Variants in PCDH11X observed in about 807,000 individuals in gnomAD.
PCDH11X encodes protocadherin 11 X-linked, also known as protocadherin-11 X-linked.
A neutral mutation model predicts 53.3 loss-of-function variants in PCDH11X; 18 were observed. The observed-to-expected ratio is 0.34, with a 90% CI of 0.23 to 0.50. The LOEUF (loss-of-function observed/expected upper bound fraction) is 0.50, where lower values mean the gene tolerates loss of function less well. Ranked by LOEUF, PCDH11X falls within the 20% of genes least tolerant of loss-of-function variation. The probability of loss-of-function intolerance (pLI) is 0.98; values close to 1 mark genes in which losing one functional copy is unlikely to be tolerated. For synonymous variants in PCDH11X, 279 were observed against 393.3 expected (o/e 0.71, Z 3.44); for missense variants, 570 against 1,032.4 (o/e 0.55, Z 6.14).
chrX:92,083,584 T>C (rs2063898106), intron 6 of PCDH11X, among the ~76,000 whole-genome samples: 2 of 111,451 alleles, frequency 1.8e-5, no homozygotes, highest in African/African-American at 6.5e-5. Flanking sequence ...AAAAACTACA[T>C]ATTTTAAATA....
chrX:92,322,948 G>A (rs996112250), intron 8 of PCDH11X, among the ~76,000 whole-genome samples: 2 of 111,521 alleles, frequency 1.8e-5, no homozygotes, highest in Non-Finnish European at 3.8e-5. Context: ...AGATTGTCTA[G>A]TCATTGGAAC....
chrX:92,580,115 T>A (rs769210654), intron 10 of PCDH11X, among the ~76,000 whole-genome samples: 21 of 103,285 alleles, frequency 2.0e-4, no homozygotes, highest in African/African-American at 7.9e-4. Flanking sequence ...TGCTCCTTCC[T>A]CTGGGAGCTT....
intron 6 of PCDH11X, among the ~76,000 whole-genome samples, chrX:92,142,163 T>TC (rs201077253): frequency 0.021 from 2,209 of 107,668 alleles, 60 homozygotes; most frequent in African/African-American, 0.071. Flanking sequence ...TTATTATTTT[T>TC]TTTTTTTTTT....
intron 8 of PCDH11X, among the ~76,000 whole-genome samples, chrX:92,280,792 A>T (rs67305710): frequency 0.18 from 19,594 of 107,015 alleles, 1,563 homozygotes; most frequent in Admixed American, 0.33. Context: ...TATTTTTTTT[A>T]AAAAAAAATT....
intron 6 of PCDH11X, among the ~76,000 whole-genome samples, chrX:92,092,704 G>A (rs2064068488): frequency 9.0e-6 from 1 of 111,662 alleles, no homozygotes. Context: ...GAGCTAAGGG[G>A]TATCTTCGAA....
intron 6 of PCDH11X, among the ~76,000 whole-genome samples, chrX:92,147,187 C>T (rs1409920677): frequency 2.8e-5 from 3 of 107,939 alleles, no homozygotes; most frequent in Non-Finnish European, 3.8e-5. Flanking sequence ...TTCTTCAAAC[C>T]GTTAGCAGAA....
chrX:91,996,276 G>T (rs2062422151), intron 6 of PCDH11X, among the ~76,000 whole-genome samples: 1 of 103,042 alleles, frequency 9.7e-6, no homozygotes, highest in East Asian at 3.1e-4. Context: ...AGCCTCCCGA[G>T]TAGCTGGGAT....
At chrX:92,535,255 C>T (rs1212673561) in intron 10 of PCDH11X, among the ~76,000 whole-genome samples, 6 of 111,593 alleles carry the variant, frequency 5.4e-5, no homozygotes, top group Non-Finnish European at 1.1e-4. Context: ...CACAATACAA[C>T]GACATGCAAT....
At chrX:92,245,575 A>T (rs182875271) in intron 7 of PCDH11X, among the ~76,000 whole-genome samples, 6 of 112,308 alleles carry the variant, frequency 5.3e-5, no homozygotes, top group African/African-American at 1.6e-4. Flanking sequence ...ATCTCTGTAT[A>T]CTTAAAAGCT....
chrX:92,071,357 C>T (rs2063699760), intron 6 of PCDH11X, among the ~76,000 whole-genome samples: 1 of 110,525 alleles, frequency 9.0e-6, no homozygotes, highest in African/African-American at 3.3e-5. Flanking sequence ...TTCTGAATTC[C>T]TTCTCTGTGT....
chrX:92,236,193 G>T (rs1347383263), intron 7 of PCDH11X, among the ~76,000 whole-genome samples: 1 of 110,900 alleles, frequency 9.0e-6, no homozygotes, highest in Non-Finnish European at 1.9e-5. Flanking sequence ...GTACCATGGA[G>T]ACTTAAGGCA....
chrX:92,509,778 T>G (rs934128070), intron 10 of PCDH11X, among the ~76,000 whole-genome samples: 3 of 111,632 alleles, frequency 2.7e-5, no homozygotes, highest in Admixed American at 9.5e-5. Flanking sequence ...TCTGGGCAAA[T>G]AATTGTTCAG....
chrX:91,943,408 C>A (rs746547167), intron 6 of PCDH11X, among the ~76,000 whole-genome samples: 1 of 110,092 alleles, frequency 9.1e-6, no homozygotes, highest in Non-Finnish European at 1.9e-5. Flanking sequence ...TTGCTGTGAT[C>A]CTAAAATTGC....
At chrX:92,135,441 C>T (rs1020570865) in intron 6 of PCDH11X, among the ~76,000 whole-genome samples, 31 of 110,074 alleles carry the variant, frequency 2.8e-4, no homozygotes, top group Non-Finnish European at 3.8e-4. Context: ...TTGTATAGGC[C>T]ATGATGATTT....
intron 10 of PCDH11X, among the ~76,000 whole-genome samples, chrX:92,594,238 A>AGTTACTTGGGATTTG (rs1925331100): frequency 1.8e-5 from 2 of 108,195 alleles, no homozygotes; most frequent in Non-Finnish European, 3.8e-5. Context: ...GTGTTTAAAC[A>AGTTACTTGGGATTTG]TTTGATATTT....
chrX:91,941,937 G>T (rs1290236009), intron 6 of PCDH11X, among the ~76,000 whole-genome samples: 1 of 110,122 alleles, frequency 9.1e-6, no homozygotes, highest in Non-Finnish European at 1.9e-5. Flanking sequence ...AAACTAAATA[G>T]CACATTTTTA....
At chrX:92,522,328 T>C (rs1430059203) in intron 10 of PCDH11X, among the ~76,000 whole-genome samples, 3 of 111,801 alleles carry the variant, frequency 2.7e-5, no homozygotes, top group African/African-American at 9.8e-5. Context: ...AAGAGAGAGA[T>C]GGGAAAATGG....
chrX:92,449,473 A>G (rs765400819), intron 9 of PCDH11X, among the ~76,000 whole-genome samples: 5 of 111,848 alleles, frequency 4.5e-5, no homozygotes, highest in African/African-American at 1.3e-4. Flanking sequence ...TTAGTCCCTG[A>G]TATGAGAGTG....
intron 6 of PCDH11X, among the ~76,000 whole-genome samples, chrX:91,924,142 G>A (rs1345828859): frequency 1.8e-5 from 2 of 109,268 alleles, no homozygotes; most frequent in African/African-American, 6.7e-5. Context: ...CCTTAGATAG[G>A]AAAGGACATG....
Sources: gnomAD v4.1 joint callset for allele counts (sites outside exome capture counted in the v4.1 genomes callset) on GRCh38, gnomAD v4.1.1 for gene constraint, MANE v1.5 for transcripts, NCBI Gene and HGNC (gene_info 2026-07-23, HGNC 2026-07-21) for gene names.